Variants in APPL2 observed in about 807,000 individuals in gnomAD.
APPL2 encodes DCC-interacting protein 13-beta.
In APPL2, 84 loss-of-function variants were observed where a neutral mutation model predicts 92.7. The ratio of observed to expected loss-of-function variants is 0.91; its 90% confidence interval spans 0.76 to 1.09. APPL2 has a LOEUF of 1.09. APPL2 is among the 50% of genes least tolerant of loss of function. APPL2 has a pLI of 0.00. For missense variants in APPL2, 736 were observed against 824.5 expected, an observed-to-expected ratio of 0.89 and a Z score of 1.31; for synonymous variants, 291 against 291.0, an observed-to-expected ratio of 1.00 and a Z score of 0.00.
At chr12:105,181,055 T>C (rs999252002) in intron 17 of APPL2, among the ~76,000 whole-genome samples, 3 of 152,224 alleles carry the variant, frequency 2.0e-5, no homozygotes, top group Non-Finnish European at 4.4e-5. Context: ...TCAAAGGGAA[T>C]GCTTCCAGTT....
intron 9 of APPL2, among the ~76,000 whole-genome samples, chr12:105,200,679 C>T (rs1348567611): frequency 1.3e-5 from 2 of 152,228 alleles, no homozygotes; most frequent in Admixed American, 1.3e-4. Context: ...AGGTGTTCCT[C>T]TGCACTGTGT....
intron 4 of APPL2, 39 bp from the exon 5 acceptor site, chr12:105,211,356 A>G (rs758881636): frequency 7.3e-7 from 1 of 1,368,608 alleles, no homozygotes; most frequent in East Asian, 2.3e-5. Context: ...AATTAAATAC[A>G]TTATTATTAT....
chr12:105,228,201 C>A (rs989045485), intron 2 of APPL2, among the ~76,000 whole-genome samples: 1 of 152,094 alleles, frequency 6.6e-6, no homozygotes, highest in Non-Finnish European at 1.5e-5. Flanking sequence ...GGTTAAGTAC[C>A]CTGCATCTGA....
chr12:105,175,034 C>T (rs1435282703), intron 20 of APPL2, among the ~76,000 whole-genome samples: 1 of 152,158 alleles, frequency 6.6e-6, no homozygotes, highest in Admixed American at 6.5e-5. Context: ...CAGGTGTGCA[C>T]CACCACACCC....
In APPL2 at chr12:105,198,851, T is replaced by G. The variant is rs138686722; in HGVS notation, c.863+522A>C. ...AGTCAGTGCTTTTCACACCACACCA[T>G]GACAATATCCTCTCTGCTCACAGAA... On this transcript the variant is annotated intron_variant, in intron 10 of 20. Transcript: ENST00000258530. Among the ~76,000 whole-genome samples the G allele has an allele frequency of 8.7e-3, 1,319 of 152,342 alleles. 8 individuals carry two copies. Among genetic ancestry groups the G allele is most frequent in the Non-Finnish European group, 0.013 (862 of 68,032 alleles).
intron 2 of APPL2, among the ~76,000 whole-genome samples, chr12:105,225,501 C>T (rs1047916573): frequency 3.3e-5 from 5 of 152,164 alleles, no homozygotes; most frequent in Non-Finnish European, 5.9e-5. Flanking sequence ...GTGTTGAATG[C>T]AAAATTTGAG....
In APPL2 at chr12:105,209,519, C is replaced by T. The variant is rs552560039; in HGVS notation, c.374-1320G>A. ...GGCACTCTCAATTCTAGTTCTGCCTCCCATAAGCAAACCTGAAAGACATAA... is the reference window on the plus strand; with the variant it reads ...GGCACTCTCAATTCTAGTTCTGCCTTCCATAAGCAAACCTGAAAGACATAA... On this transcript the variant is annotated intron_variant, in intron 5 of 20. Transcript: ENST00000258530. 5.3e-5 allele frequency among the ~76,000 whole-genome samples: 8 copies of T among 152,250 alleles called. No homozygotes were observed. The East Asian group carries it at 1.5e-3, about 29-fold the overall frequency.
At chr12:105,178,988 C>CT (rs1027119353) in intron 17 of APPL2, among the ~76,000 whole-genome samples, 2 of 152,000 alleles carry the variant, frequency 1.3e-5, no homozygotes, top group African/African-American at 2.4e-5. Context: ...CTAGATTTCT[C>CT]TTTTTTTATT....
At chr12:105,224,150 G>A (rs1890325133) in intron 2 of APPL2, among the ~76,000 whole-genome samples, 1 of 152,128 alleles carries the variant, frequency 6.6e-6, no homozygotes, top group African/African-American at 2.4e-5. Flanking sequence ...CAGAACCCAG[G>A]TCTAAGAAGT....
At chr12:105,194,870 G>C (rs781319126) in intron 14 of APPL2, among the ~76,000 whole-genome samples, 4 of 151,014 alleles carry the variant, frequency 2.6e-5, no homozygotes, top group Admixed American at 2.0e-4. Flanking sequence ...ACATTAACAT[G>C]GGATACATAA....
chr12:105,209,006 C>T (rs532891206), intron 5 of APPL2, among the ~76,000 whole-genome samples: 2 of 152,322 alleles, frequency 1.3e-5, no homozygotes, highest in African/African-American at 4.8e-5. Flanking sequence ...AAATGCTCTT[C>T]GCGTTATTCA....
At chr12:105,204,003 C>T (rs562757534) in intron 8 of APPL2, among the ~76,000 whole-genome samples, 1 of 152,304 alleles carries the variant, frequency 6.6e-6, no homozygotes, top group South Asian at 2.1e-4. Context: ...GAAGGGATTC[C>T]TTACTTCCTG....
rs1437810181 is a variant in APPL2 at position 105,174,118 on chromosome 12, T to C, written c.*196A>G. The C allele has an allele frequency of 8.2e-5, 47 of 575,124 alleles. No homozygotes were observed. The highest frequency in any genetic ancestry group is 8.8e-5 in the Non-Finnish European group (31 of 354,102). 35.6% of individuals were successfully genotyped at this position (575,124 alleles called of 1,614,324 possible). On this transcript the variant is annotated 3_prime_UTR_variant, in exon 21 of 21. Coordinates refer to ENST00000258530, the MANE Select transcript of APPL2 (RefSeq NM_018171.5). ...TACCACAAAGCACCTAAAATAACAT[T>C]GTAGATGGGTGGGAACGCTGTCAAC... is the stretch of plus-strand genomic sequence containing the variant.
chr12:105,235,625 A>G (rs1468836105), intron 1 of APPL2, among the ~76,000 whole-genome samples: 2 of 152,236 alleles, frequency 1.3e-5, no homozygotes, highest in Non-Finnish European at 2.9e-5. Flanking sequence ...AAACTAAGGC[A>G]CAATAAGGTG....
intron 2 of APPL2, among the ~76,000 whole-genome samples, chr12:105,221,945 T>A (rs1890129929): frequency 6.6e-6 from 1 of 152,218 alleles, no homozygotes; most frequent in African/African-American, 2.4e-5. Flanking sequence ...CGCAGCAGCA[T>A]CCACGGTGAA....
rs1890733762 is a variant in APPL2, at chr12:105,229,126, T to C, written c.152A>G (p.Gln51Arg). 1.2e-6 allele frequency: 2 copies of C among 1,610,240 alleles called. No homozygotes were observed. The highest frequency in any genetic ancestry group is 1.1e-5 in the South Asian group (1 of 90,646). The change falls in exon 2 of 21, where the codon CAG becomes CGG. Residue 51 changes from glutamine (Q) to arginine (R), a missense_variant and splice_region_variant. Gln to Arg is a conservative substitution (Grantham distance 43). Transcript: ENST00000258530. ...LQAMQRVYGA[Q>R]NEMCLATQQL... ...TCCAGGTGAGGGGTGGCAGCATACC[T>C]GGGCTCCATAGACGCGCTGCATTGC...
rs768216695 is a variant in APPL2 at position 105,199,545 on chromosome 12, G to T, written c.705-14C>A. Reference sequence around the variant, plus strand: ...TCTACCTGAATGCTTAAGACAGAAGGTGTTGGGTCAGTTACTCACTGCTGG... The same window carrying T: ...TCTACCTGAATGCTTAAGACAGAAGTTGTTGGGTCAGTTACTCACTGCTGG... On this transcript the variant is annotated splice_polypyrimidine_tract_variant and intron_variant, in intron 9 of 20. Transcript: ENST00000258530. The T allele has an allele frequency of 1.2e-6, 2 of 1,611,686 alleles. No homozygotes were observed. The highest frequency in any genetic ancestry group is 4.5e-5 in the East Asian group (2 of 44,820).
At chr12:105,195,210 AATC>A (rs1566065483) in intron 14 of APPL2, 48 bp downstream of exon 14, 1 of 1,548,640 alleles carries the variant, frequency 6.5e-7, no homozygotes, top group Non-Finnish European at 8.9e-7. Context: ...TCGTATTCCT[AATC>A]AATAATTTGG....
intron 14 of APPL2, among the ~76,000 whole-genome samples, chr12:105,192,964 C>T (rs980542513): frequency 9.3e-5 from 14 of 150,528 alleles, no homozygotes; most frequent in African/African-American, 2.9e-4. Flanking sequence ...CTGATTCTTT[C>T]CCCCCCCACT....
Sources: gnomAD v4.1 joint callset for allele counts (sites outside exome capture counted in the v4.1 genomes callset) on GRCh38, gnomAD v4.1.1 for gene constraint, MANE v1.5 for transcripts, NCBI Gene and HGNC (gene_info 2026-07-23, HGNC 2026-07-21) for gene names.